CPNE4: variants seen among roughly 807,000 people sequenced by gnomAD.
CPNE4 encodes copine-4.
CPNE4 carries 25 observed loss-of-function variants against 67.9 expected under a neutral mutation model. That is an observed-to-expected ratio of 0.37 (90% CI 0.27 to 0.51). The LOEUF is 0.51. CPNE4 is among the 20% of genes least tolerant of loss of function. CPNE4 has a pLI of 0.93. For missense variants in CPNE4, 464 were observed against 690.8 expected (o/e 0.67, Z 3.68); for synonymous variants, 242 against 244.9 (o/e 0.99, Z 0.11).
intron 7 of CPNE4, among the ~76,000 whole-genome samples, chr3:131,590,692 A>G (rs1333229041): frequency 1.3e-5 from 2 of 152,200 alleles, no homozygotes; most frequent in Non-Finnish European, 2.9e-5. Flanking sequence ...TATTGCTGGA[A>G]ATGTTCAAGC....
At chr3:131,648,741 G>T (rs1316368293) in intron 7 of CPNE4, among the ~76,000 whole-genome samples, 2 of 152,182 alleles carry the variant, frequency 1.3e-5, no homozygotes, top group South Asian at 2.1e-4. Context: ...AAGATTTGTA[G>T]AATGAATGAG....
At chr3:131,998,793 T>C (rs1264405215) in intron 1 of CPNE4, among the ~76,000 whole-genome samples, 4 of 152,160 alleles carry the variant, frequency 2.6e-5, no homozygotes, top group Admixed American at 2.0e-4. Context: ...CCCATGATTA[T>C]TGAGTACCTA....
At chr3:132,027,846 G>C (rs551963364) in intron 1 of CPNE4, among the ~76,000 whole-genome samples, 1 of 152,196 alleles carries the variant, frequency 6.6e-6, no homozygotes, top group African/African-American at 2.4e-5. Context: ...ATAAAGTATT[G>C]TTTTGGGCCA....
intron 2 of CPNE4, among the ~76,000 whole-genome samples, chr3:131,757,511 A>G (rs1250734546): frequency 1.3e-5 from 2 of 152,220 alleles, no homozygotes; most frequent in Non-Finnish European, 2.9e-5. Context: ...GGGTGCTGTT[A>G]AAGGCATTCA....
chr3:131,690,926 G>A (rs764857582), intron 5 of CPNE4, among the ~76,000 whole-genome samples: 15 of 152,024 alleles, frequency 9.9e-5, no homozygotes, highest in Non-Finnish European at 1.3e-4. Context: ...AAGACGACCC[G>A]CAAGTGGTCA....
intron 7 of CPNE4, among the ~76,000 whole-genome samples, chr3:131,651,653 G>A (rs114076609): frequency 0.058 from 8,751 of 152,146 alleles, 833 homozygotes; most frequent in African/African-American, 0.2. Flanking sequence ...AACTTACTCA[G>A]CTCTCTGATT....
chr3:131,886,212 G>A (rs1287584285), intron 2 of CPNE4, among the ~76,000 whole-genome samples: 6 of 152,240 alleles, frequency 3.9e-5, no homozygotes, highest in South Asian at 4.1e-4. Context: ...TGCTCCAGCC[G>A]TGGCTGAAAG....
chr3:131,960,214 A>G (rs1482321493), intron 1 of CPNE4, among the ~76,000 whole-genome samples: 1 of 152,138 alleles, frequency 6.6e-6, no homozygotes, highest in East Asian at 1.9e-4. Context: ...TACTGCTTGA[A>G]AAATGCTGGT....
intron 7 of CPNE4, among the ~76,000 whole-genome samples, chr3:131,601,616 G>A (rs1939211201): frequency 6.6e-6 from 1 of 152,150 alleles, no homozygotes; most frequent in South Asian, 2.1e-4. Flanking sequence ...CTAAGCATAA[G>A]GTAAGGACAG....
chr3:131,900,865 GTTCAT>G, intron 2 of CPNE4, among the ~76,000 whole-genome samples: 1 of 152,166 alleles, frequency 6.6e-6, no homozygotes, highest in South Asian at 2.1e-4. Flanking sequence ...AAAGCCCATG[GTTCAT>G]CATAACATGC....
intron 2 of CPNE4, among the ~76,000 whole-genome samples, chr3:131,759,608 G>GA (rs1299323155): frequency 4.7e-5 from 3 of 63,308 alleles, no homozygotes; most frequent in African/African-American, 9.9e-5. Flanking sequence ...CATCTTACAA[G>GA]AAAAAAAAGT....
chr3:131,682,392 C>A (rs1365153220), intron 6 of CPNE4, among the ~76,000 whole-genome samples: 1 of 152,080 alleles, frequency 6.6e-6, no homozygotes, highest in Non-Finnish European at 1.5e-5. Flanking sequence ...CTCTTTCAGA[C>A]TTGTAGAGGT....
At chr3:131,774,332 AC>A (rs1433014193) in intron 2 of CPNE4, among the ~76,000 whole-genome samples, 1 of 139,354 alleles carries the variant, frequency 7.2e-6, no homozygotes, top group Non-Finnish European at 1.6e-5. Flanking sequence ...GCTGAAAAAA[AC>A]GGTAAGAAAA....
intron 2 of CPNE4, among the ~76,000 whole-genome samples, chr3:131,853,314 A>G (rs2086308439): frequency 6.6e-6 from 1 of 151,994 alleles, no homozygotes; most frequent in South Asian, 2.1e-4. Flanking sequence ...AAGCAATTCA[A>G]TATGGAAAAA....
chr3:131,560,855 G>A (rs147557168), intron 11 of CPNE4, among the ~76,000 whole-genome samples: 1,944 of 152,126 alleles, frequency 0.013, 51 homozygotes, highest in African/African-American at 0.043. Flanking sequence ...TTCTGGGGTG[G>A]GGTGCAGGTA....
chr3:131,632,277 T>G (rs540220688), intron 7 of CPNE4, among the ~76,000 whole-genome samples: 13 of 151,984 alleles, frequency 8.6e-5, no homozygotes, highest in Non-Finnish European at 1.8e-4. Flanking sequence ...CCTAAAGTGC[T>G]GGGATTACAG....
In CPNE4 at chr3:132,034,668, G is replaced by A; in HGVS notation, c.-103C>T. 1 of 985,432 alleles carries A rather than the reference G, an allele frequency of 1.0e-6. No homozygotes were observed. The highest frequency in any genetic ancestry group is 1.2e-6 in the Non-Finnish European group (1 of 829,996). 61.0% of individuals were successfully genotyped at this position (985,432 alleles called of 1,614,324 possible). On this transcript the variant is annotated 5_prime_UTR_variant, in exon 1 of 16. Transcript: ENST00000429747. ...TCCGGCTTTGAAGTGGAGGTGGTTG[G>A]TGTGGTAGTTTTGTACTGATGTAAG... is the stretch of plus-strand genomic sequence containing the variant.
At chr3:131,699,404 C>A (rs1049371659) in intron 4 of CPNE4, among the ~76,000 whole-genome samples, 1 of 152,178 alleles carries the variant, frequency 6.6e-6, no homozygotes, top group Admixed American at 6.5e-5. Flanking sequence ...GCTACTGAAT[C>A]ACACAGTAAA....
At chr3:131,992,182 T>G (rs551206797) in intron 1 of CPNE4, among the ~76,000 whole-genome samples, 1 of 135,770 alleles carries the variant, frequency 7.4e-6, no homozygotes, top group Non-Finnish European at 1.7e-5. Flanking sequence ...GACTCCAGAA[T>G]TGTAGATCAA....
Sources: gnomAD v4.1 joint callset for allele counts (sites outside exome capture counted in the v4.1 genomes callset) on GRCh38, gnomAD v4.1.1 for gene constraint, MANE v1.5 for transcripts, NCBI Gene and HGNC (gene_info 2026-07-23, HGNC 2026-07-21) for gene names.